The following HECW2 variants were observed in gnomAD, a reference collection of about 807,000 sequenced individuals.
HECW2 encodes the protein E3 ubiquitin-protein ligase HECW2.
In HECW2, 61 loss-of-function variants were observed where a neutral mutation model predicts 175.2. The observed-to-expected ratio is 0.35, with a 90% CI of 0.28 to 0.43. The LOEUF (loss-of-function observed/expected upper bound fraction) is 0.43. HECW2 is among the 20% of genes least tolerant of loss of function. HECW2 has a pLI of 1.00. For missense variants in HECW2, 1,524 were observed against 2,000.5 expected, an observed-to-expected ratio of 0.76 and a Z score of 4.54; for synonymous variants, 671 against 731.0, an observed-to-expected ratio of 0.92 and a Z score of 1.32.
chr2:196,319,765 G>T lies in HECW2; in HGVS notation c.1125C>A (p.Asp375Glu). Residue 375 changes from aspartate (D) to glutamate (E), a missense_variant, in exon 9 of 29, where the codon GAC (aspartate) becomes GAA (glutamate). Physicochemically the swap from Asp to Glu is conservative, Grantham distance 45. Around this residue, in one of 11 missense-constraint regions of HECW2, gnomAD observed 604 missense variants for 588.3 expected, o/e 1.03. Coordinates refer to ENST00000644978, the MANE Select transcript of HECW2 (RefSeq NM_001348768.2). The part of the protein sequence containing the change: ...QVCSNGPVSE[D>E]SAADGTPKHS... The stretch of plus-strand genomic sequence containing the variant: ...GCTTGGGGGTTCCATCGGCAGCACT[G>T]TCCTCAGAAACTGGCCCATTAGAGC... 6.2e-7 allele frequency: 1 copy of T among 1,614,164 alleles called. No individual in the cohort carries two copies. The highest frequency in any genetic ancestry group is 1.1e-5 in the South Asian group (1 of 91,086).
intron 1 of HECW2, among the ~76,000 whole-genome samples, chr2:196,526,873 C>G (rs1688674523): frequency 6.6e-6 from 1 of 151,942 alleles, no homozygotes; most frequent in Non-Finnish European, 1.5e-5. Flanking sequence ...AACCACTGCT[C>G]TCTTCAAAGC....
intron 1 of HECW2, among the ~76,000 whole-genome samples, chr2:196,476,796 G>A (rs1686639459): frequency 6.6e-6 from 1 of 151,738 alleles, no homozygotes; most frequent in Admixed American, 6.6e-5. Flanking sequence ...ACAGAACAGT[G>A]GAATTCTGAA....
intron 2 of HECW2, among the ~76,000 whole-genome samples, chr2:196,367,933 C>T (rs1461983950): frequency 2.0e-5 from 3 of 148,850 alleles, no homozygotes; most frequent in African/African-American, 7.6e-5. Flanking sequence ...TACATAGATA[C>T]ATATATATAT....
At chr2:196,451,147 T>C (rs1358644138) in intron 1 of HECW2, among the ~76,000 whole-genome samples, 6 of 151,868 alleles carry the variant, frequency 4.0e-5, no homozygotes, top group Non-Finnish European at 8.8e-5. Flanking sequence ...TTAAGAAATA[T>C]GGGGTAGGCT....
chr2:196,472,518 T>A, intron 1 of HECW2, among the ~76,000 whole-genome samples: 1 of 148,464 alleles, frequency 6.7e-6, no homozygotes, highest in African/African-American at 2.5e-5. Flanking sequence ...AAATAGTAAC[T>A]CACTGTTTAG....
chr2:196,257,300 T>C (rs1474047458), intron 18 of HECW2, among the ~76,000 whole-genome samples: 3 of 152,144 alleles, frequency 2.0e-5, no homozygotes, highest in African/African-American at 4.8e-5. Flanking sequence ...TGAAAATAAT[T>C]GGTCAGTTTT....
intron 1 of HECW2, among the ~76,000 whole-genome samples, chr2:196,475,034 T>A (rs928344995): frequency 1.3e-5 from 2 of 152,108 alleles, no homozygotes; most frequent in African/African-American, 4.8e-5. Context: ...ACACCAACAG[T>A]GGCTTGGTCC....
intron 13 of HECW2, among the ~76,000 whole-genome samples, chr2:196,296,749 C>T (rs1030404845): frequency 2.0e-5 from 3 of 152,114 alleles, no homozygotes; most frequent in African/African-American, 7.2e-5. Flanking sequence ...CCACGACAGT[C>T]GTGAAAATAC....
intron 1 of HECW2, among the ~76,000 whole-genome samples, chr2:196,470,889 A>C (rs1575583850): frequency 1.3e-5 from 2 of 152,224 alleles, no homozygotes; most frequent in South Asian, 4.1e-4. Context: ...CTCAGAAAGA[A>C]AAAAAGAAAA....
chr2:196,343,005 T>A (rs2105828412), intron 3 of HECW2, among the ~76,000 whole-genome samples: 1 of 151,012 alleles, frequency 6.6e-6, no homozygotes, highest in African/African-American at 2.4e-5. Context: ...CTATATATAT[T>A]TTTGTATATA....
chr2:196,309,815 G>C (rs1186590675), intron 10 of HECW2, among the ~76,000 whole-genome samples: 1 of 152,198 alleles, frequency 6.6e-6, no homozygotes, highest in Non-Finnish European at 1.5e-5. Context: ...AGAGAGAGAA[G>C]ATGCTGCCAA....
At chr2:196,360,869 C>A (rs138582910) in intron 2 of HECW2, among the ~76,000 whole-genome samples, 182 of 152,304 alleles carry the variant, frequency 1.2e-3, no homozygotes, top group African/African-American at 4.1e-3. Context: ...AAATCTTCAA[C>A]ATACTTTTCA....
At chr2:196,334,865 G>C (rs1692494557) in intron 3 of HECW2, among the ~76,000 whole-genome samples, 1 of 152,208 alleles carries the variant, frequency 6.6e-6, no homozygotes, top group Admixed American at 6.5e-5. Flanking sequence ...AACCCTCACA[G>C]AACCTTGGGA....
At chr2:196,229,958 A>G (rs1687990746) in intron 21 of HECW2, among the ~76,000 whole-genome samples, 3 of 152,202 alleles carry the variant, frequency 2.0e-5, no homozygotes, top group Admixed American at 2.0e-4. Flanking sequence ...GTAGTAGCTA[A>G]AATCATTTAA....
chr2:196,201,487 T>C, intron 28 of HECW2, 99 bp from the exon 29 acceptor site: 10 of 623,346 alleles, frequency 1.6e-5, no homozygotes, highest in Non-Finnish European at 1.6e-5. Context: ...TGTATGACTG[T>C]CTTTCACATT....
intron 28 of HECW2, 54 bp downstream of exon 28, chr2:196,215,811 T>A: frequency 7.9e-7 from 1 of 1,261,366 alleles, no homozygotes; most frequent in Non-Finnish European, 1.2e-6. Context: ...TATACATAAA[T>A]GAATGTCTCC....
chr2:196,517,631 T>G (rs530906204), intron 1 of HECW2, among the ~76,000 whole-genome samples: 1 of 152,338 alleles, frequency 6.6e-6, no homozygotes, highest in East Asian at 1.9e-4. Flanking sequence ...CTGTAAAGAT[T>G]GTTACAGTTA....
chr2:196,421,011 G>A (rs1043185006), intron 2 of HECW2, among the ~76,000 whole-genome samples: 2 of 152,084 alleles, frequency 1.3e-5, no homozygotes, highest in African/African-American at 4.8e-5. Context: ...TTCATTATAT[G>A]CTAACTCAAT....
intron 10 of HECW2, among the ~76,000 whole-genome samples, chr2:196,311,534 C>T (rs766218321): frequency 6.6e-6 from 1 of 152,176 alleles, no homozygotes; most frequent in Admixed American, 6.5e-5. Flanking sequence ...CGGTGGCTCA[C>T]ACCTGTAATC....
Sources: gnomAD v4.1 joint callset for allele counts (sites outside exome capture counted in the v4.1 genomes callset) on GRCh38, gnomAD v4.1.1 for gene constraint, gnomAD v4.1.1 regional missense constraint, MANE v1.5 for transcripts, NCBI Gene and HGNC (gene_info 2026-07-23, HGNC 2026-07-21) for gene names.